Variants in ACTR3 observed in about 807,000 individuals in gnomAD.
ACTR3 encodes the protein actin-related protein 3.
A neutral mutation model predicts 56.8 loss-of-function variants in ACTR3; 12 were observed. The ratio of observed to expected loss-of-function variants is 0.21; its 90% CI spans 0.14 to 0.34. The LOEUF (loss-of-function observed/expected upper bound fraction) is 0.34, where lower values mean the gene tolerates loss of function less well. ACTR3 is among the 10% of genes least tolerant of loss of function. The pLI, the probability that ACTR3 is intolerant of heterozygous loss-of-function variation, is 1.00. For missense variants in ACTR3, 282 were observed against 512.5 expected (o/e 0.55, Z 4.34); for synonymous variants, 162 against 167.4 (o/e 0.97, Z 0.25).
chr2:113,927,768 CTGA>C (rs1434614439), intron 4 of ACTR3, among the ~76,000 whole-genome samples: 1 of 152,068 alleles, frequency 6.6e-6, no homozygotes, highest in Non-Finnish European at 1.5e-5. Context: ...AAACAATAGT[CTGA>C]TTATTATATC....
At chr2:113,891,826 T>G (rs2104575584) in intron 1 of ACTR3, among the ~76,000 whole-genome samples, 1 of 152,230 alleles carries the variant, frequency 6.6e-6, no homozygotes, top group Admixed American at 6.5e-5. Flanking sequence ...CTATGTATTT[T>G]TTTGATGAAC....
intron 1 of ACTR3, among the ~76,000 whole-genome samples, chr2:113,899,752 A>G (rs985453096): frequency 1.3e-5 from 2 of 152,218 alleles, no homozygotes; most frequent in African/African-American, 4.8e-5. Flanking sequence ...TCTCTATTCA[A>G]GTGATAGCGT....
intron 10 of ACTR3, chr2:113,953,910 C>T (rs571685629): frequency 6.6e-6 from 1 of 152,308 alleles, no homozygotes; most frequent in East Asian, 1.9e-4. Context: ...TATCCAGGAT[C>T]CAATCAAGGA....
intron 8 of ACTR3, among the ~76,000 whole-genome samples, chr2:113,945,407 A>G (rs1384121951): frequency 2.6e-5 from 4 of 151,980 alleles, no homozygotes; most frequent in African/African-American, 4.8e-5. Context: ...TTGATATGTC[A>G]CTGTTAGTGG....
rs140222064 is a variant in ACTR3 at position 113,901,989 on chromosome 2, A to G, written c.45-11183A>G. Among the ~76,000 whole-genome samples, 20 of 152,372 alleles carry G rather than the reference A, an allele frequency of 1.3e-4. No individual in the cohort carries two copies. The East Asian group carries it at 3.7e-3, about 28-fold the overall frequency. ...TTGTTTTACTACTGAAAAAGATTCT[A>G]TTAATGGATTTCTTTTAGGTAGGTA... On this transcript the variant is annotated intron_variant, in intron 1 of 11. Transcript: ENST00000263238.
intron 1 of ACTR3, among the ~76,000 whole-genome samples, chr2:113,905,921 C>T (rs1431319766): frequency 6.6e-6 from 1 of 152,136 alleles, no homozygotes; most frequent in Non-Finnish European, 1.5e-5. Context: ...GGGTTGCTTC[C>T]ACCTTTTAGC....
Position 113,931,284 on chromosome 2 carries a change from GT to G in ACTR3, c.337-15del. 7.1e-7 allele frequency: 1 copy of G among 1,414,606 alleles called. No individual in the cohort carries two copies. The highest frequency in any genetic ancestry group is 9.6e-7 in the Non-Finnish European group (1 of 1,037,056). The allele number at this position is 1,414,606 out of a possible 1,614,324, so 87.6% of individuals were successfully genotyped here. The stretch of plus-strand genomic sequence containing the variant: ...TAATCTGATATTATCTATTTAAAAT[GT>G]TATTTATTTCAATAGACTGAACCTC... On this transcript the variant is annotated splice_polypyrimidine_tract_variant and intron_variant, in intron 4 of 11. Transcript: ENST00000263238.
At chr2:113,937,565 G>A (rs1273024508) in intron 6 of ACTR3, among the ~76,000 whole-genome samples, 1 of 152,068 alleles carries the variant, frequency 6.6e-6, no homozygotes, top group African/African-American at 2.4e-5. Flanking sequence ...TTCAACTTTT[G>A]TACATCCTTT....
In ACTR3 at chr2:113,957,495, G is replaced by C; in HGVS notation, c.*40G>C. 6.5e-7 allele frequency: 1 copy of C among 1,531,428 alleles called. No homozygotes were observed. The highest frequency in any genetic ancestry group is 9.0e-7 in the Non-Finnish European group (1 of 1,106,814). The allele number at this position is 1,531,428 out of a possible 1,614,324, so 94.9% of individuals were successfully genotyped here. ...TTATTGGGGTTAGGGAGGTGGGGAA[G>C]AGATAATCTTTCTGATTACCTGTTT... On this transcript the variant is annotated 3_prime_UTR_variant, in exon 12 of 12. Coordinates refer to ENST00000263238, the MANE Select transcript of ACTR3 (RefSeq NM_005721.5).
At chr2:113,894,588 T>A (rs1030000523) in intron 1 of ACTR3, among the ~76,000 whole-genome samples, 2 of 151,180 alleles carry the variant, frequency 1.3e-5, no homozygotes, top group Non-Finnish European at 3.0e-5. Context: ...CCTCCTTTCC[T>A]GCCTGCCAAT....
At chr2:113,923,368 G>A (rs978128333) in intron 3 of ACTR3, among the ~76,000 whole-genome samples, 1 of 151,680 alleles carries the variant, frequency 6.6e-6, no homozygotes, top group Non-Finnish European at 1.5e-5. Context: ...GACGGAGCCT[G>A]GCTCTGTCGC....
Sources: gnomAD v4.1 joint callset for allele counts (sites outside exome capture counted in the v4.1 genomes callset) on GRCh38, gnomAD v4.1.1 for gene constraint, MANE v1.5 for transcripts, NCBI Gene and HGNC (gene_info 2026-07-23, HGNC 2026-07-21) for gene names.